Variants in GALNTL6 observed in about 807,000 individuals in gnomAD.
GALNTL6 encodes the protein polypeptide N-acetylgalactosaminyltransferase like 6.
In GALNTL6, 46 loss-of-function variants were observed where a neutral mutation model predicts 73.7. The observed-to-expected ratio is 0.62, with a 90% confidence interval of 0.49 to 0.80. GALNTL6 has a LOEUF of 0.80. Ranked by LOEUF, GALNTL6 falls within the 30% of genes least tolerant of loss-of-function variation. The pLI, the probability that GALNTL6 is intolerant of heterozygous loss-of-function variation, is 0.00. For synonymous variants in GALNTL6, 259 were observed against 263.7 expected (o/e 0.98, Z 0.17); for missense variants, 604 against 755.0 (o/e 0.80, Z 2.34).
chr4:172,119,261 A>T (rs1733080549), intron 2 of GALNTL6, among the ~76,000 whole-genome samples: 1 of 152,176 alleles, frequency 6.6e-6, no homozygotes, highest in African/African-American at 2.4e-5. Context: ...TCTCCATTAA[A>T]AAGTTGTATC....
intron 10 of GALNTL6, among the ~76,000 whole-genome samples, chr4:172,963,387 C>T (rs2126384802): frequency 1.3e-5 from 2 of 152,304 alleles, no homozygotes; most frequent in South Asian, 4.1e-4. Context: ...TTCTCCCTAG[C>T]ATCCATCACT....
intron 5 of GALNTL6, among the ~76,000 whole-genome samples, chr4:172,617,007 C>T (rs1738764263): frequency 6.6e-6 from 1 of 151,866 alleles, no homozygotes; most frequent in South Asian, 2.1e-4. Flanking sequence ...TCTCAAAGCT[C>T]TTGGTTTTTT....
At chr4:172,524,297 G>GGAGT in intron 5 of GALNTL6, among the ~76,000 whole-genome samples, 1 of 151,764 alleles carries the variant, frequency 6.6e-6, no homozygotes, top group East Asian at 1.9e-4. Context: ...CGCCCAGGCT[G>GGAGT]GAGTGCAGTG....
chr4:172,665,513 G>A (rs906396058), intron 5 of GALNTL6, among the ~76,000 whole-genome samples: 4 of 152,188 alleles, frequency 2.6e-5, no homozygotes, highest in African/African-American at 9.7e-5. Flanking sequence ...ATTGATGATG[G>A]TTGCTAATAG....
chr4:172,207,956 AAGAGT>A (rs1736198135), intron 2 of GALNTL6, among the ~76,000 whole-genome samples: 1 of 152,224 alleles, frequency 6.6e-6, no homozygotes, highest in Admixed American at 6.5e-5. Context: ...CATGTTTGTT[AAGAGT>A]ATTCTTCAGT....
At chr4:173,028,046 T>C (rs1289158992) in intron 12 of GALNTL6, among the ~76,000 whole-genome samples, 1 of 152,182 alleles carries the variant, frequency 6.6e-6, no homozygotes, top group African/African-American at 2.4e-5. Context: ...GGATCCATCA[T>C]GTTCAAGGAT....
At chr4:171,817,740 T>G (rs1261167743) in intron 2 of GALNTL6, among the ~76,000 whole-genome samples, 1 of 151,660 alleles carries the variant, frequency 6.6e-6, no homozygotes, top group Non-Finnish European at 1.5e-5. Context: ...ATTTCAAAGT[T>G]TTTCTTTTTC....
intron 2 of GALNTL6, among the ~76,000 whole-genome samples, chr4:172,190,000 G>A (rs532203365): frequency 1.3e-5 from 2 of 152,198 alleles, no homozygotes; most frequent in South Asian, 4.2e-4. Flanking sequence ...AGTTGCAAAA[G>A]ACAGCACAGT....
chr4:172,729,386 C>G lies in GALNTL6; in HGVS notation c.554-79975C>G, dbSNP rs534401985. Among the ~76,000 whole-genome samples, 24 of 152,082 alleles carry G rather than the reference C, an allele frequency of 1.6e-4. No homozygotes were observed. In the South Asian group the frequency reaches 5.0e-3, roughly 32 times the overall value. On this transcript the variant is annotated intron_variant, in intron 5 of 12. Coordinates refer to ENST00000506823, the MANE Select transcript of GALNTL6 (RefSeq NM_001034845.3). ...TGGTCTTAGATTCAAGTTTTTAATCCATTTTGATTTAATTTTTATGTAGGG... is the reference window on the plus strand; with the variant it reads ...TGGTCTTAGATTCAAGTTTTTAATCGATTTTGATTTAATTTTTATGTAGGG...
At position 172,907,510 on chromosome 4, in the gene GALNTL6, GATAAC is replaced by G. The variant is rs780388346; in HGVS notation, c.1042-23646_1042-23642del. Among the ~76,000 whole-genome samples the G allele has an allele frequency of 1.6e-3, 244 of 152,266 alleles. 2 individuals carry two copies. The highest frequency in any genetic ancestry group is 4.1e-4 in the Non-Finnish European group (28 of 68,014). On this transcript the variant is annotated intron_variant, in intron 8 of 12. Transcript: ENST00000506823. ...TTTAAAGGTTATCATCATCTCTACAGATAACATAAAAGCATTTGATAAAATTTGCA... is the reference window on the plus strand; with the variant it reads ...TTTAAAGGTTATCATCATCTCTACAGATAAAAGCATTTGATAAAATTTGCA...
In GALNTL6 at chr4:171,830,242, G is replaced by A. The variant is rs560950782; in HGVS notation, c.138+15524G>A. Among the ~76,000 whole-genome samples, 11 of 152,210 alleles carry A rather than the reference G, an allele frequency of 7.2e-5. No homozygotes were observed. The South Asian group carries it at 2.3e-3, about 32-fold the overall frequency. ...GGTAGTGCATCCCTGCCAACACCTTGATTTCAGATTTCTGGTCTCCTGAAC... is the reference window on the plus strand; with the variant it reads ...GGTAGTGCATCCCTGCCAACACCTTAATTTCAGATTTCTGGTCTCCTGAAC... On this transcript the variant is annotated intron_variant, in intron 2 of 12. Transcript: ENST00000506823.
At chr4:172,849,162 A>G (rs1308103458) in intron 7 of GALNTL6, among the ~76,000 whole-genome samples, 2 of 152,284 alleles carry the variant, frequency 1.3e-5, no homozygotes, top group South Asian at 2.1e-4. Context: ...GACCTGTAGG[A>G]CAAGACAGAT....
intron 5 of GALNTL6, among the ~76,000 whole-genome samples, chr4:172,578,093 G>C (rs1379666072): frequency 6.6e-6 from 1 of 152,088 alleles, no homozygotes; most frequent in Non-Finnish European, 1.5e-5. Flanking sequence ...TATTGAAACT[G>C]AGATAGGCAG....
chr4:171,927,600 C>T (rs1191497076), intron 2 of GALNTL6, among the ~76,000 whole-genome samples: 1 of 152,040 alleles, frequency 6.6e-6, no homozygotes, highest in East Asian at 1.9e-4. Flanking sequence ...CTAGCCTTGG[C>T]ACCCCTTAGT....
At chr4:172,145,201 G>A (rs924501588) in intron 2 of GALNTL6, among the ~76,000 whole-genome samples, 2 of 151,962 alleles carry the variant, frequency 1.3e-5, no homozygotes, top group South Asian at 2.1e-4. Context: ...GTGCAGTGGC[G>A]AGATCTCTGC....
chr4:171,819,824 G>GA (rs776622872), intron 2 of GALNTL6, among the ~76,000 whole-genome samples: 25 of 152,262 alleles, frequency 1.6e-4, no homozygotes, highest in African/African-American at 4.6e-4. Flanking sequence ...TGCTTATGGG[G>GA]AAGAGTTTTA....
At chr4:172,013,635 T>C (rs1741091534) in intron 2 of GALNTL6, among the ~76,000 whole-genome samples, 1 of 152,056 alleles carries the variant, frequency 6.6e-6, no homozygotes, top group Non-Finnish European at 1.5e-5. Flanking sequence ...CACAGGCCTG[T>C]AATGTGTAAT....
At position 172,163,856 on chromosome 4, in the gene GALNTL6, G is replaced by T. The variant is rs982857297; in HGVS notation, c.139-65800G>T. On this transcript the variant is annotated intron_variant, in intron 2 of 12. Coordinates refer to ENST00000506823, the MANE Select transcript of GALNTL6 (RefSeq NM_001034845.3). ...CACACACAAAAACAAACAGACACAG[G>T]TACACGTGTCTATTTAAAAAACATA... 2.3e-4 allele frequency among the ~76,000 whole-genome samples: 35 copies of T among 151,878 alleles called. 1 individual carries two copies. In the East Asian group the frequency reaches 6.2e-3, roughly 27 times the overall value.
chr4:171,915,999 T>C (rs927294782), intron 2 of GALNTL6, among the ~76,000 whole-genome samples: 2 of 152,140 alleles, frequency 1.3e-5, no homozygotes, highest in Admixed American at 6.6e-5. Flanking sequence ...TTTAGAAAAT[T>C]ATTACCATTT....
Sources: allele counts gnomAD v4.1 joint callset (sites outside exome capture counted in the v4.1 genomes callset), GRCh38; gene constraint gnomAD v4.1.1; transcripts MANE v1.5; gene names NCBI Gene and HGNC (gene_info 2026-07-23, HGNC 2026-07-21).